GCH1: variants seen among roughly 807,000 people sequenced by gnomAD.
The protein encoded by GCH1 is GTP cyclohydrolase I.
GCH1 carries 5 observed loss-of-function variants against 25.9 expected under a neutral mutation model. That is an observed-to-expected ratio of 0.19 (90% confidence interval 0.10 to 0.41). The LOEUF (loss-of-function observed/expected upper bound fraction) is 0.41, where lower values mean the gene tolerates loss of function less well. Among genes scored for constraint, GCH1 ranks in the 10% least tolerant of loss-of-function variants. GCH1 has a pLI of 1.00. For synonymous variants in GCH1, 159 were observed against 129.6 expected, an observed-to-expected ratio of 1.23 and a Z score of -1.54; for missense variants, 261 against 336.5, an observed-to-expected ratio of 0.78 and a Z score of 1.75.
intron 1 of GCH1, among the ~76,000 whole-genome samples, chr14:54,867,566 CAAGA>C (rs553349408): frequency 3.2e-3 from 333 of 103,350 alleles, no homozygotes; most frequent in Admixed American, 7.4e-3. Context: ...CTAGCCTGGG[CAAGA>C]GAGAACAAGA....
In GCH1 at chr14:54,842,272, A is replaced by G. The variant is rs1395237386; in HGVS notation, c.*1745T>C. On this transcript the variant is annotated 3_prime_UTR_variant, in exon 6 of 6. Transcript: ENST00000491895. ...GTGGATACATTAGACCTTTATAAGA[A>G]CACTTCTAGGAAATGTTAGAACAAC... The G allele has an allele frequency of 6.6e-6, 1 of 152,650 alleles. No individual in the cohort carries two copies. Among genetic ancestry groups the G allele is most frequent in the Non-Finnish European group, 1.5e-5 (1 of 68,042 alleles). The allele number at this position is 152,650 out of a possible 1,614,324, so 9.5% of individuals were successfully genotyped here.
Position 54,857,714 on chromosome 14 carries a change from A to C in GCH1, c.509+1967T>G, listed in dbSNP as rs1010759261. On this transcript the variant is annotated intron_variant, in intron 3 of 5. Coordinates refer to ENST00000491895, the MANE Select transcript of GCH1 (RefSeq NM_000161.3). ...AAAGATACTTTTACTCACAGTTGAC[A>C]TGAAATTGGTTTAATACATCATTAG... Among the ~76,000 whole-genome samples, 27 of 152,234 alleles carry C rather than the reference A, an allele frequency of 1.8e-4. 1 individual carries two copies.
intron 3 of GCH1, among the ~76,000 whole-genome samples, chr14:54,849,628 C>A (rs565940481): frequency 6.6e-6 from 1 of 152,080 alleles, no homozygotes; most frequent in Non-Finnish European, 1.5e-5. Context: ...TTCTGAAGAC[C>A]GATATTTTGC....
At chr14:54,863,285 G>A (rs552690213) in intron 2 of GCH1, among the ~76,000 whole-genome samples, 18 of 151,724 alleles carry the variant, frequency 1.2e-4, no homozygotes, top group Non-Finnish European at 2.2e-4. Context: ...TAGCCAGCAT[G>A]GTGGCAGGCG....
At chr14:54,851,654 A>C (rs1241761418) in intron 3 of GCH1, among the ~76,000 whole-genome samples, 2 of 152,206 alleles carry the variant, frequency 1.3e-5, no homozygotes, top group African/African-American at 2.4e-5. Flanking sequence ...AGAGAAATGC[A>C]AATCAAAACC....
intron 3 of GCH1, among the ~76,000 whole-genome samples, chr14:54,857,551 T>C (rs1314747777): frequency 6.6e-6 from 1 of 151,870 alleles, no homozygotes; most frequent in Non-Finnish European, 1.5e-5. Flanking sequence ...GGAATTTCTA[T>C]ATGGGCAAGG....
rs2039575253 is a variant in GCH1 at position 54,842,607 on chromosome 14, A to ATTTGGGTGGGT, written c.*1409_*1410insACCCACCCAAA. 6.1e-6 allele frequency: 1 copy of ATTTGGGTGGGT among 164,412 alleles called. No homozygotes were observed. Among genetic ancestry groups the ATTTGGGTGGGT allele is most frequent in the East Asian group, 1.7e-4 (1 of 5,940 alleles). 10.2% of individuals were successfully genotyped at this position (164,412 alleles called of 1,614,324 possible). ...CTGCCATCTTGCCCCATCATAACCC[A>ATTTGGGTGGGT]AATAGCATCAAAGTGGCAGAGATGG... On this transcript the variant is annotated 3_prime_UTR_variant, in exon 6 of 6. Coordinates refer to ENST00000491895, the MANE Select transcript of GCH1 (RefSeq NM_000161.3).
intron 1 of GCH1, among the ~76,000 whole-genome samples, chr14:54,889,031 C>T (rs910208466): frequency 6.6e-6 from 1 of 152,168 alleles, no homozygotes; most frequent in South Asian, 2.1e-4. Context: ...TGAAAGGACA[C>T]GCAGCATGGG....
chr14:54,894,253 C>G (rs1384791877), intron 1 of GCH1, among the ~76,000 whole-genome samples: 1 of 152,112 alleles, frequency 6.6e-6, no homozygotes, highest in East Asian at 1.9e-4. Flanking sequence ...AAAGTGGACC[C>G]TGCCTCATAT....
At chr14:54,901,493 G>A (rs570335201) in intron 1 of GCH1, among the ~76,000 whole-genome samples, 1 of 152,106 alleles carries the variant, frequency 6.6e-6, no homozygotes, top group Admixed American at 6.5e-5. Flanking sequence ...TGGGTGAAAA[G>A]CCGACACGCC....
intron 1 of GCH1, among the ~76,000 whole-genome samples, chr14:54,872,131 G>A (rs1413198312): frequency 3.0e-4 from 46 of 151,356 alleles, no homozygotes; most frequent in South Asian, 1.5e-3. Flanking sequence ...GAAGCCCATC[G>A]GACTAACAGC....
Position 54,900,025 on chromosome 14 carries a change from C to A in GCH1, c.343+2296G>T, listed in dbSNP as rs548394026. ...GATTACAGGCACCTGACACCATGCC[C>A]GGCTAATTTTTGTATTTTTGGTAGA... On this transcript the variant is annotated intron_variant, in intron 1 of 5. Coordinates refer to ENST00000491895, the MANE Select transcript of GCH1 (RefSeq NM_000161.3). Among the ~76,000 whole-genome samples, 6 of 151,800 alleles carry A rather than the reference C, an allele frequency of 4.0e-5. No homozygotes were observed. The East Asian group carries it at 9.7e-4, about 25-fold the overall frequency.
At chr14:54,861,672 G>A (rs991282189) in intron 2 of GCH1, among the ~76,000 whole-genome samples, 9 of 150,656 alleles carry the variant, frequency 6.0e-5, no homozygotes, top group African/African-American at 2.0e-4. Flanking sequence ...GCAGTGAGCC[G>A]AGATCGCACC....
Position 54,902,488 on chromosome 14 carries a change from C to T in GCH1, c.176G>A (p.Arg59His). Reference sequence around the variant, plus strand: ...GTTCAGCTCGTTATCCTCCTCGCTGCGGGGCCGCTCGCCCTTCCAGCCGTC... The same window carrying T: ...GTTCAGCTCGTTATCCTCCTCGCTGTGGGGCCGCTCGCCCTTCCAGCCGTC... ...PADGWKGERP[R>H]SEEDNELNLP... Residue 59 changes from arginine (R) to histidine (H), a missense_variant, in exon 1 of 6, where the codon CGC becomes CAC. By Grantham distance (29) the Arg-to-His change is conservative. This residue lies in a region of GCH1 where 125 missense variants were observed against 128.7 expected (regional missense o/e 0.97). Transcript: ENST00000491895. The T allele has an allele frequency of 5.0e-6, 8 of 1,609,446 alleles. No individual in the cohort carries two copies. Among genetic ancestry groups the T allele is most frequent in the Non-Finnish European group, 6.8e-6 (8 of 1,178,578 alleles).
rs1327588723 is a variant in GCH1, at chr14:54,880,536, C to G, written c.344-15100G>C. The stretch of plus-strand genomic sequence containing the variant: ...TATACTCCATATATATATATATACT[C>G]CATATATATATATACTCCATATATA... On this transcript the variant is annotated intron_variant, in intron 1 of 5. Coordinates refer to ENST00000491895, the MANE Select transcript of GCH1 (RefSeq NM_000161.3). 8.7e-5 allele frequency among the ~76,000 whole-genome samples: 6 copies of G among 68,696 alleles called. No individual in the cohort carries two copies. The Admixed American group carries it at 9.8e-4, about 11-fold the overall frequency. 45.1% of individuals were successfully genotyped at this position (68,696 alleles called of 152,430 possible).
At chr14:54,863,663 G>A (rs1376578703) in intron 2 of GCH1, among the ~76,000 whole-genome samples, 1 of 151,844 alleles carries the variant, frequency 6.6e-6, no homozygotes, top group African/African-American at 2.4e-5. Flanking sequence ...AACAAGAGAG[G>A]CCAGACACAA....
intron 1 of GCH1, among the ~76,000 whole-genome samples, chr14:54,871,181 G>A (rs2040070827): frequency 6.6e-6 from 1 of 152,168 alleles, no homozygotes; most frequent in South Asian, 2.1e-4. Flanking sequence ...AGCAACATTT[G>A]CTGTTCACCA....
chr14:54,886,058 C>T, intron 1 of GCH1: 3 of 205,112 alleles, frequency 1.5e-5, no homozygotes, highest in South Asian at 7.3e-5. Flanking sequence ...TCTCCAGTGG[C>T]AGTGTACTCC....
At chr14:54,861,397 T>C (rs2039894393) in intron 2 of GCH1, among the ~76,000 whole-genome samples, 1 of 152,170 alleles carries the variant, frequency 6.6e-6, no homozygotes, top group Non-Finnish European at 1.5e-5. Context: ...GTTTATACTA[T>C]TTTTGGTCTT....
Sources: allele counts gnomAD v4.1 joint callset (sites outside exome capture counted in the v4.1 genomes callset), GRCh38; gene constraint gnomAD v4.1.1; regional missense constraint gnomAD v4.1.1; transcripts MANE v1.5; gene names NCBI Gene and HGNC (gene_info 2026-07-23, HGNC 2026-07-21).